IQCM: variants seen among roughly 807,000 people sequenced by gnomAD.
IQCM encodes IQ domain-containing protein M.
IQCM carries 45 observed loss-of-function variants against 57.6 expected under a neutral mutation model. That is an observed-to-expected ratio of 0.78 (90% CI 0.62 to 1.00). IQCM has a LOEUF of 1.00. IQCM is among the 50% of genes least tolerant of loss of function. The pLI, the probability that IQCM is intolerant of heterozygous loss-of-function variation, is 0.00. For missense variants in IQCM, 468 were observed against 511.6 expected (o/e 0.91, Z 0.82); for synonymous variants, 148 against 158.9 (o/e 0.93, Z 0.51).
chr4:149,533,387 G>T (rs1379120720), intron 12 of IQCM, among the ~76,000 whole-genome samples: 3 of 151,972 alleles, frequency 2.0e-5, no homozygotes, highest in Non-Finnish European at 4.4e-5. Flanking sequence ...GACAACTAAG[G>T]TTCTTAGAAA....
chr4:149,498,895 C>T (rs1312531066), intron 12 of IQCM, among the ~76,000 whole-genome samples: 2 of 151,990 alleles, frequency 1.3e-5, no homozygotes. Flanking sequence ...TGAAGTTTTG[C>T]ACTGGAATAA....
At chr4:149,797,488 A>G (rs1001313054) in intron 2 of IQCM, among the ~76,000 whole-genome samples, 3 of 152,120 alleles carry the variant, frequency 2.0e-5, no homozygotes, top group African/African-American at 7.2e-5. Context: ...AGAAAGAGAT[A>G]GGGGTGGAAA....
chr4:149,401,787 A>G (rs1456581489), intron 13 of IQCM, among the ~76,000 whole-genome samples: 1 of 151,846 alleles, frequency 6.6e-6, no homozygotes, highest in East Asian at 1.9e-4. Context: ...ATTTTTCAGC[A>G]CTGCTAATGA....
chr4:149,744,824 T>G (rs1021348673), intron 2 of IQCM, among the ~76,000 whole-genome samples: 8 of 152,136 alleles, frequency 5.3e-5, no homozygotes, highest in Non-Finnish European at 8.8e-5. Flanking sequence ...TTGCCATTTA[T>G]TTCAGAAAAA....
In IQCM at chr4:149,567,711, G is replaced by A. The variant is rs548931736; in HGVS notation, c.750-3821C>T. 1.0e-3 allele frequency among the ~76,000 whole-genome samples: 158 copies of A among 152,010 alleles called. 1 individual carries two copies. Among genetic ancestry groups the A allele is most frequent in the Non-Finnish European group, 2.0e-3 (136 of 67,984 alleles). On this transcript the variant is annotated intron_variant, in intron 9 of 13. Coordinates refer to ENST00000636793, the MANE Select transcript of IQCM (RefSeq NM_001363507.2). ...ATAATGTCTTTTTAACCTATCTTTT[G>A]GGTATCCCAGATGGCTTCAGGATCA...
In IQCM at chr4:149,714,518, T is replaced by A. The variant is rs376670713; in HGVS notation, c.385+18726A>T. On this transcript the variant is annotated intron_variant, in intron 5 of 13. Coordinates refer to ENST00000636793, the MANE Select transcript of IQCM (RefSeq NM_001363507.2). ...TATCTAACAAACATTTCAGACTTTA[T>A]ATAGTAGTACTCCCTTATCTGAGGG... is the stretch of plus-strand genomic sequence containing the variant. Among the ~76,000 whole-genome samples the A allele has an allele frequency of 2.5e-4, 38 of 152,286 alleles. No homozygotes were observed. The South Asian group carries it at 7.9e-3, about 32-fold the overall frequency.
At chr4:149,499,226 C>T (rs755841226) in intron 12 of IQCM, among the ~76,000 whole-genome samples, 6 of 152,104 alleles carry the variant, frequency 3.9e-5, no homozygotes, top group Non-Finnish European at 7.4e-5. Context: ...ATGCAGAGAA[C>T]AGGAAATGTC....
intron 12 of IQCM, among the ~76,000 whole-genome samples, chr4:149,451,594 A>C (rs1484880550): frequency 6.6e-6 from 1 of 151,796 alleles, no homozygotes; most frequent in African/African-American, 2.4e-5. Flanking sequence ...TTAGGAAAAA[A>C]AGAGCAATTG....
chr4:149,553,247 A>G lies in IQCM; in HGVS notation c.989T>C (p.Met330Thr), dbSNP rs1357255995. Residue 330 changes from methionine to threonine, a missense_variant, in exon 11 of 14, where the codon ATG (methionine) becomes ACG (threonine). By Grantham distance (81) the Met-to-Thr change is moderately conservative. Coordinates refer to ENST00000636793, the MANE Select transcript of IQCM (RefSeq NM_001363507.2). ...AACACGGTGGATTAGTCTGCCATACATGTTAATAACTGCTTTCATATCTGG... is the reference window on the plus strand; with the variant it reads ...AACACGGTGGATTAGTCTGCCATACGTGTTAATAACTGCTTTCATATCTGG... Reference protein sequence around the residue: ...HGPDMKAVINMYGRLIHRVRY... With the variant: ...HGPDMKAVINTYGRLIHRVRY... 3 of 1,231,804 alleles carry G rather than the reference A, an allele frequency of 2.4e-6. No homozygotes were observed. Among genetic ancestry groups the G allele is most frequent in the Non-Finnish European group, 2.0e-6 (2 of 987,804 alleles). 76.3% of individuals were successfully genotyped at this position (1,231,804 alleles called of 1,614,324 possible).
chr4:149,722,632 T>C (rs891305609), intron 5 of IQCM, among the ~76,000 whole-genome samples: 1 of 152,070 alleles, frequency 6.6e-6, no homozygotes, highest in Non-Finnish European at 1.5e-5. Context: ...TCCTCTATTC[T>C]GTTCTATTGA....
At chr4:149,545,600 T>C (rs1748314787) in intron 12 of IQCM, among the ~76,000 whole-genome samples, 2 of 152,142 alleles carry the variant, frequency 1.3e-5, no homozygotes, top group South Asian at 4.1e-4. Context: ...GAATATAGAT[T>C]GGTACACCCA....
intron 12 of IQCM, among the ~76,000 whole-genome samples, chr4:149,455,924 A>G (rs909875644): frequency 6.6e-6 from 1 of 151,930 alleles, no homozygotes; most frequent in Non-Finnish European, 1.5e-5. Flanking sequence ...GCAGTGATCT[A>G]TATTCACACC....
chr4:149,637,613 A>G (rs1374913822), intron 7 of IQCM, among the ~76,000 whole-genome samples: 3 of 152,226 alleles, frequency 2.0e-5, no homozygotes, highest in African/African-American at 7.2e-5. Flanking sequence ...GGCATACATG[A>G]CATGACTTCA....
At chr4:149,680,131 T>C (rs1348563883) in intron 7 of IQCM, among the ~76,000 whole-genome samples, 1 of 151,198 alleles carries the variant, frequency 6.6e-6, no homozygotes, top group Non-Finnish European at 1.5e-5. Flanking sequence ...TCAGTGAAAA[T>C]CCCTATTCTT....
At chr4:149,478,352 A>C (rs982725731) in intron 12 of IQCM, among the ~76,000 whole-genome samples, 1 of 152,166 alleles carries the variant, frequency 6.6e-6, no homozygotes, top group African/African-American at 2.4e-5. Context: ...TGTAGATATC[A>C]TAGACTCCCA....
At chr4:149,696,559 T>C (rs185640153) in intron 5 of IQCM, among the ~76,000 whole-genome samples, 9 of 152,258 alleles carry the variant, frequency 5.9e-5, no homozygotes, top group Admixed American at 5.9e-4. Flanking sequence ...ACATCTCTCC[T>C]CAAAATTTCA....
chr4:149,541,198 G>T (rs1486586264), intron 12 of IQCM, among the ~76,000 whole-genome samples: 1 of 152,130 alleles, frequency 6.6e-6, no homozygotes, highest in Non-Finnish European at 1.5e-5. Flanking sequence ...CAAAGCTGTG[G>T]TCTGAGGAAC....
intron 12 of IQCM, among the ~76,000 whole-genome samples, chr4:149,540,072 T>C (rs1425529371): frequency 6.6e-6 from 1 of 151,716 alleles, no homozygotes; most frequent in African/African-American, 2.4e-5. Flanking sequence ...AATGAGGTCA[T>C]AAGGGTAGGG....
intron 12 of IQCM, among the ~76,000 whole-genome samples, chr4:149,522,555 A>G (rs559327446): frequency 6.6e-6 from 1 of 152,354 alleles, no homozygotes; most frequent in South Asian, 2.1e-4. Context: ...GAGGATAATC[A>G]TTAAAGCCTG....
Sources: gnomAD v4.1 joint callset for allele counts (sites outside exome capture counted in the v4.1 genomes callset) on GRCh38, gnomAD v4.1.1 for gene constraint, MANE v1.5 for transcripts, NCBI Gene and HGNC (gene_info 2026-07-23, HGNC 2026-07-21) for gene names.